The following STK32A variants were observed in gnomAD, a reference collection of about 807,000 sequenced individuals.
The protein encoded by STK32A is serine/threonine-protein kinase 32A.
In STK32A, 41 loss-of-function variants were observed where a neutral mutation model predicts 53.2. The observed-to-expected ratio is 0.77, with a 90% CI of 0.60 to 1.00. The LOEUF (loss-of-function observed/expected upper bound fraction) is 1.00, where lower values mean the gene tolerates loss of function less well. STK32A is among the 50% of genes least tolerant of loss of function. The probability of loss-of-function intolerance (pLI) is 0.00; values close to 1 mark genes in which losing one functional copy is unlikely to be tolerated. For synonymous variants in STK32A, 166 were observed against 162.8 expected (o/e 1.02, Z -0.15); for missense variants, 458 against 485.8 (o/e 0.94, Z 0.54).
At chr5:147,284,077 A>G (rs562031534) in intron 4 of STK32A, among the ~76,000 whole-genome samples, 4 of 152,156 alleles carry the variant, frequency 2.6e-5, no homozygotes, top group Admixed American at 6.5e-5. Context: ...ATCCACCATG[A>G]TCAAGTGGGT....
intron 11 of STK32A, among the ~76,000 whole-genome samples, chr5:147,376,947 C>A (rs990662550): frequency 1.3e-5 from 2 of 152,078 alleles, no homozygotes. Flanking sequence ...ACAAAGACAT[C>A]ACAAAAAATG....
At chr5:147,332,086 T>A (rs908125570) in intron 5 of STK32A, among the ~76,000 whole-genome samples, 5 of 152,246 alleles carry the variant, frequency 3.3e-5, no homozygotes, top group Admixed American at 1.3e-4. Flanking sequence ...GCTAATTTTT[T>A]AATCTTTGCT....
intron 8 of STK32A, among the ~76,000 whole-genome samples, chr5:147,369,725 G>T (rs1264995879): frequency 6.6e-6 from 1 of 152,148 alleles, no homozygotes; most frequent in Non-Finnish European, 1.5e-5. Flanking sequence ...AAAGGGCCAG[G>T]CATGTGATCA....
chr5:147,350,717 G>A (rs1755928938), intron 6 of STK32A, among the ~76,000 whole-genome samples: 1 of 152,072 alleles, frequency 6.6e-6, no homozygotes, highest in African/African-American at 2.4e-5. Context: ...TTGGAAACGT[G>A]ATACTTTGAG....
chr5:147,295,874 C>T (rs181030182), intron 4 of STK32A, among the ~76,000 whole-genome samples: 1 of 152,274 alleles, frequency 6.6e-6, no homozygotes, highest in East Asian at 1.9e-4. Context: ...TTCAAAAACA[C>T]AGAGCGGAGC....
chr5:147,254,949 C>T (rs1267852121), intron 2 of STK32A, among the ~76,000 whole-genome samples: 1 of 152,076 alleles, frequency 6.6e-6, no homozygotes, highest in Non-Finnish European at 1.5e-5. Context: ...ACCATCCTGG[C>T]TAACACGGTG....
intron 5 of STK32A, among the ~76,000 whole-genome samples, 177 bp downstream of exon 5, chr5:147,324,248 T>C (rs1324646604): frequency 6.6e-6 from 1 of 152,252 alleles, no homozygotes; most frequent in African/African-American, 2.4e-5. Flanking sequence ...ACTGAACACA[T>C]AGAGCTTAAT....
At chr5:147,397,206 G>A in the STK32A span, among the ~76,000 whole-genome samples, 2 of 139,872 alleles carry the variant, frequency 1.4e-5, no homozygotes, top group African/African-American at 5.5e-5. Flanking sequence ...ATATCTCTGT[G>A]TGTGTTTATA....
intron 4 of STK32A, among the ~76,000 whole-genome samples, chr5:147,305,699 G>C (rs1753371241): frequency 1.3e-5 from 2 of 152,032 alleles, no homozygotes; most frequent in Admixed American, 1.3e-4. Flanking sequence ...TGTTGTGACA[G>C]GTAGCAATAG....
the STK32A span, among the ~76,000 whole-genome samples, chr5:147,399,709 G>A: frequency 0.18 from 27,120 of 152,060 alleles, 2,753 homozygotes; most frequent in East Asian, 0.27. Flanking sequence ...AGATATTTTT[G>A]TTTTCTTTCA....
intron 2 of STK32A, among the ~76,000 whole-genome samples, chr5:147,240,972 A>C (rs1224946480): frequency 1.3e-5 from 2 of 152,176 alleles, no homozygotes; most frequent in Non-Finnish European, 2.9e-5. Flanking sequence ...CTGGCTTGTC[A>C]CTTTCGTTCA....
chr5:147,276,911 G>C (rs1485686996), intron 2 of STK32A, among the ~76,000 whole-genome samples: 1 of 151,994 alleles, frequency 6.6e-6, no homozygotes. Flanking sequence ...TCATTATTTT[G>C]AGTCCAAGTA....
intron 4 of STK32A, among the ~76,000 whole-genome samples, chr5:147,286,477 C>T (rs533133379): frequency 3.3e-5 from 5 of 152,200 alleles, no homozygotes; most frequent in African/African-American, 1.2e-4. Flanking sequence ...TGGCTTACAC[C>T]CTGGTTTTTC....
At chr5:147,349,665 A>G (rs1277577898) in intron 6 of STK32A, among the ~76,000 whole-genome samples, 1 of 152,124 alleles carries the variant, frequency 6.6e-6, no homozygotes, top group East Asian at 1.9e-4. Flanking sequence ...CCTAGAGATC[A>G]TTTAGTCTAC....
chr5:147,283,856 C>T (rs1022418989), intron 4 of STK32A, among the ~76,000 whole-genome samples: 2 of 152,018 alleles, frequency 1.3e-5, no homozygotes, highest in Non-Finnish European at 2.9e-5. Context: ...AGAATTATAT[C>T]AGACATTCAA....
chr5:147,289,764 C>A (rs962265048), intron 4 of STK32A, among the ~76,000 whole-genome samples: 13 of 152,134 alleles, frequency 8.5e-5, no homozygotes, highest in Admixed American at 5.2e-4. Flanking sequence ...ATTCTTATCA[C>A]CTTGTAACAA....
chr5:147,375,294 G>T, intron 11 of STK32A, 76 bp downstream of exon 11: 1 of 1,527,222 alleles, frequency 6.5e-7, no homozygotes, highest in East Asian at 2.4e-5. Context: ...GCTTCTACTG[G>T]GAGGTCATTT....
At chr5:147,240,867 G>T (rs1561661795) in intron 2 of STK32A, among the ~76,000 whole-genome samples, 1 of 152,130 alleles carries the variant, frequency 6.6e-6, no homozygotes, top group East Asian at 1.9e-4. Flanking sequence ...TTCTAGAGTG[G>T]TACCCTCAGA....
At chr5:147,256,353 T>C (rs568193507) in intron 2 of STK32A, among the ~76,000 whole-genome samples, 28 of 152,224 alleles carry the variant, frequency 1.8e-4, no homozygotes, top group African/African-American at 6.0e-4. Flanking sequence ...TGTAGAATCC[T>C]GGAAAAGAGC....
Sources: gnomAD v4.1 joint callset for allele counts (sites outside exome capture counted in the v4.1 genomes callset) on GRCh38, gnomAD v4.1.1 for gene constraint, MANE v1.5 for transcripts, NCBI Gene and HGNC (gene_info 2026-07-23, HGNC 2026-07-21) for gene names.